Variants in MCF2L observed in about 807,000 individuals in gnomAD.
MCF2L encodes guanine nucleotide exchange factor DBS.
A neutral mutation model predicts 153.4 loss-of-function variants in MCF2L; 97 were observed. The ratio of observed to expected loss-of-function variants is 0.63; its 90% CI spans 0.54 to 0.75. The LOEUF is 0.75. Among genes scored for constraint, MCF2L ranks in the 30% least tolerant of loss-of-function variants. The pLI, the probability that MCF2L is intolerant of heterozygous loss-of-function variation, is 0.00. For synonymous variants in MCF2L, 659 were observed against 632.2 expected (o/e 1.04, Z -0.64); for missense variants, 1,347 against 1,495.2 (o/e 0.90, Z 1.64).
At chr13:113,002,009 G>A (rs776597271) in intron 1 of MCF2L, 28 of 1,538,854 alleles carry the variant, frequency 1.8e-5, no homozygotes, top group African/African-American at 5.5e-5. Context: ...GCGGGTCCTC[G>A]CCTCCCCGGA....
rs538555174 is a variant in MCF2L at position 113,081,649 on chromosome 13, G to A, written c.1875+370G>A. 2.0e-5 allele frequency among the ~76,000 whole-genome samples: 3 copies of A among 152,380 alleles called. No individual in the cohort carries two copies. In the East Asian group the frequency reaches 5.8e-4, roughly 29 times the overall value. On this transcript the variant is annotated intron_variant, in intron 16 of 29. Coordinates refer to ENST00000535094, the MANE Select transcript of MCF2L (RefSeq NM_001112732.3). Reference sequence around the variant, plus strand: ...GTCGGAGGTGGGAGGCAGATTAGAGGTGACCTTGGCAGTGGGCTGTTGCCT... The same window carrying A: ...GTCGGAGGTGGGAGGCAGATTAGAGATGACCTTGGCAGTGGGCTGTTGCCT...
intron 9 of MCF2L, among the ~76,000 whole-genome samples, chr13:113,072,248 T>A (rs1220070023): frequency 2.0e-5 from 3 of 152,216 alleles, no homozygotes; most frequent in Non-Finnish European, 4.4e-5. Context: ...TCCTTGACAT[T>A]TTCCATATAG....
rs1424121077 is a variant in MCF2L at position 112,941,848 on chromosome 13, T to C, written c.169+39477T>C. 6.6e-6 allele frequency among the ~76,000 whole-genome samples: 1 copy of C among 152,124 alleles called. No homozygotes were observed. The highest frequency in any genetic ancestry group is 6.5e-5 in the Admixed American group (1 of 15,272). On this transcript the variant is annotated intron_variant, in intron 2 of 29. Transcript: ENST00000375608. This position sits in a 1 kb window ranked among gnomAD's most constrained non-coding sequence, Gnocchi z 4.9. The stretch of plus-strand genomic sequence containing the variant: ...TCATAACCTAGGAAAAACCAGGCCA[T>C]ACAGAGATAGGAACTGAGGGGACAT...
Position 112,904,094 on chromosome 13 carries a change from G to A in MCF2L, c.169+1723G>A, listed in dbSNP as rs1009643200. Among the ~76,000 whole-genome samples the A allele has an allele frequency of 3.9e-5, 6 of 152,064 alleles. No homozygotes were observed. The highest frequency in any genetic ancestry group is 2.1e-4 in the South Asian group (1 of 4,820). The stretch of plus-strand genomic sequence containing the variant: ...CTTTCCCTGAGCGCCCAAGTCTCGC[G>A]TGGACCAGCTCTGGGGACTGAGGAG... On this transcript the variant is annotated intron_variant, in intron 2 of 29. Transcript: ENST00000375608. The surrounding 1 kb of genome is among the most constrained non-coding windows in gnomAD (Gnocchi z 4.2).
chr13:113,015,953 G>A (rs893980229), intron 2 of MCF2L, among the ~76,000 whole-genome samples: 2 of 152,020 alleles, frequency 1.3e-5, no homozygotes, highest in African/African-American at 4.8e-5. Context: ...GCCTCTCCCC[G>A]CCCCTTTCAC....
chr13:113,021,593 C>T (rs1174845676), intron 2 of MCF2L, among the ~76,000 whole-genome samples: 1 of 152,194 alleles, frequency 6.6e-6, no homozygotes, highest in East Asian at 1.9e-4. Context: ...TTCAGTCCGC[C>T]TCCAGTTACT....
chr13:112,910,391 C>T (rs545886704), intron 2 of MCF2L: 20 of 152,256 alleles, frequency 1.3e-4, no homozygotes, highest in African/African-American at 4.6e-4. Flanking sequence ...TCATCACAGC[C>T]GTTATTTATA....
At chr13:112,927,348 G>C (rs189867896) in intron 2 of MCF2L, among the ~76,000 whole-genome samples, 33 of 152,296 alleles carry the variant, frequency 2.2e-4, no homozygotes, top group African/African-American at 7.7e-4. Flanking sequence ...TATAAGTCCA[G>C]TGTCTTTTAT....
At chr13:113,019,016 C>T (rs1297987141) in intron 2 of MCF2L, among the ~76,000 whole-genome samples, 1 of 152,244 alleles carries the variant, frequency 6.6e-6, no homozygotes, top group Non-Finnish European at 1.5e-5. Flanking sequence ...GGAGTTCCTC[C>T]CCTGGCCTGT....
Position 112,951,820 on chromosome 13 carries a change from C to A in MCF2L, c.169+49449C>A, listed in dbSNP as rs985546434. Among the ~76,000 whole-genome samples, 5 of 152,166 alleles carry A rather than the reference C, an allele frequency of 3.3e-5. No homozygotes were observed. The highest frequency in any genetic ancestry group is 7.3e-5 in the Non-Finnish European group (5 of 68,034). On this transcript the variant is annotated intron_variant, in intron 2 of 29. Transcript: ENST00000375608. This position sits in a 1 kb window ranked among gnomAD's most constrained non-coding sequence, Gnocchi z 4.8. ...GCTACCCCTGGAGGAAAACGGTACA[C>A]AAGACCTCTGTTTACTGTTTCTCAC...
At chr13:113,012,277 G>C (rs574612662) in intron 1 of MCF2L, among the ~76,000 whole-genome samples, 1 of 115,656 alleles carries the variant, frequency 8.6e-6, no homozygotes, top group African/African-American at 3.0e-5. Context: ...ACAGTGGACA[G>C]GTGGTGTAGA....
At chr13:113,050,757 GGGGCGGT>G (rs1372137875) in intron 4 of MCF2L, among the ~76,000 whole-genome samples, 22 of 105,356 alleles carry the variant, frequency 2.1e-4, no homozygotes, top group South Asian at 1.8e-3. Context: ...GGGGGTGCGG[GGGGCGGT>G]GGCGGGGGGA....
At chr13:113,087,601 C>T (rs1177490183) in intron 22 of MCF2L, 106 bp from the exon 23 acceptor site, 3 of 1,168,106 alleles carry the variant, frequency 2.6e-6, no homozygotes, top group Non-Finnish European at 3.7e-6. Flanking sequence ...TCTTAGCCCT[C>T]ACCCCCAAAG....
chr13:112,933,245 C>T (rs1211336423), intron 2 of MCF2L, among the ~76,000 whole-genome samples: 3 of 152,208 alleles, frequency 2.0e-5, no homozygotes, highest in African/African-American at 4.8e-5. Flanking sequence ...GCTGCCGTCT[C>T]CTTGGGCTCT....
intron 2 of MCF2L, among the ~76,000 whole-genome samples, chr13:113,015,573 C>A (rs2084458291): frequency 6.6e-6 from 1 of 152,322 alleles, no homozygotes; most frequent in African/African-American, 2.4e-5. Flanking sequence ...AGCATCCCGG[C>A]CCCCAATCCA....
At position 113,086,107 on chromosome 13, in the gene MCF2L, C is replaced by T. The variant is rs1234855601; in HGVS notation, c.2248-17C>T. ...TCTCCGTGTCCCGACGCGGTTGCCTCACCCCATGCCCCTCAGGAAATGCTG... is the reference window on the plus strand; with the variant it reads ...TCTCCGTGTCCCGACGCGGTTGCCTTACCCCATGCCCCTCAGGAAATGCTG... On this transcript the variant is annotated splice_polypyrimidine_tract_variant and intron_variant, in intron 20 of 29. Coordinates refer to ENST00000535094, the MANE Select transcript of MCF2L (RefSeq NM_001112732.3). 6.3e-7 allele frequency: 1 copy of T among 1,595,436 alleles called. No homozygotes were observed.
intron 1 of MCF2L, among the ~76,000 whole-genome samples, chr13:112,999,914 C>T (rs998507422): frequency 5.9e-5 from 9 of 152,056 alleles, no homozygotes; most frequent in African/African-American, 1.9e-4. Context: ...GGCTGAAGTG[C>T]GGGCGGCGAG....
chr13:113,056,678 G>C (rs1324572397), intron 4 of MCF2L, among the ~76,000 whole-genome samples: 2 of 142,554 alleles, frequency 1.4e-5, no homozygotes, highest in Non-Finnish European at 3.1e-5. Context: ...TGTGGGTGCG[G>C]AGTGTTTGGG....
chr13:112,992,551 C>T (rs143076266), intron 1 of MCF2L, among the ~76,000 whole-genome samples: 2 of 152,310 alleles, frequency 1.3e-5, no homozygotes, highest in Non-Finnish European at 2.9e-5. Context: ...AGTGGCTGCA[C>T]GTCTGTTCCT....
Sources: allele counts gnomAD v4.1 joint callset (sites outside exome capture counted in the v4.1 genomes callset), GRCh38; gene constraint gnomAD v4.1.1; non-coding constraint Gnocchi (gnomAD v3.1); transcripts MANE v1.5; gene names NCBI Gene and HGNC (gene_info 2026-07-23, HGNC 2026-07-21).